KSR2: variants seen among roughly 807,000 people sequenced by gnomAD.
The protein encoded by KSR2 is kinase suppressor of ras 2.
Under a neutral mutation model 107.8 loss-of-function variants are expected in KSR2, and 25 were observed. The ratio of observed to expected loss-of-function variants is 0.23; its 90% CI spans 0.17 to 0.32. The LOEUF is 0.32. KSR2 is among the 10% of genes least tolerant of loss of function. The probability of loss-of-function intolerance (pLI) is 1.00; values close to 1 mark genes in which losing one functional copy is unlikely to be tolerated. For missense variants in KSR2, 887 were observed against 1,268.9 expected, an observed-to-expected ratio of 0.70 and a Z score of 4.57; for synonymous variants, 480 against 507.0, an observed-to-expected ratio of 0.95 and a Z score of 0.71.
At chr12:117,640,233 T>C (rs1305051688) in intron 5 of KSR2, among the ~76,000 whole-genome samples, 1 of 111,688 alleles carries the variant, frequency 9.0e-6, no homozygotes, top group Non-Finnish European at 2.3e-5. Flanking sequence ...AATGAAGCTC[T>C]TTTTTTTTCT....
chr12:117,749,142 C>T (rs1243252387), intron 4 of KSR2, among the ~76,000 whole-genome samples: 3 of 93,952 alleles, frequency 3.2e-5, no homozygotes, highest in Non-Finnish European at 5.9e-5. Context: ...AAAAAGCAAA[C>T]GAACAATACC....
intron 1 of KSR2, among the ~76,000 whole-genome samples, chr12:117,885,414 C>T (rs1894145620): frequency 6.6e-6 from 1 of 152,128 alleles, no homozygotes; most frequent in African/African-American, 2.4e-5. Context: ...TTTACCCACA[C>T]AGCCAGGAAA....
intron 14 of KSR2, among the ~76,000 whole-genome samples, chr12:117,503,305 C>T (rs1234250900): frequency 2.0e-5 from 3 of 152,186 alleles, no homozygotes; most frequent in African/African-American, 7.2e-5. Flanking sequence ...GTACAGACAA[C>T]ACCAGTGTTC....
intron 3 of KSR2, among the ~76,000 whole-genome samples, chr12:117,809,137 G>C (rs1242693864): frequency 1.3e-5 from 2 of 151,984 alleles, no homozygotes; most frequent in Non-Finnish European, 2.9e-5. Context: ...ACCATATTCA[G>C]CTACTGAGAC....
intron 1 of KSR2, among the ~76,000 whole-genome samples, chr12:117,933,417 C>T (rs978750540): frequency 1.3e-5 from 2 of 151,848 alleles, no homozygotes; most frequent in Non-Finnish European, 2.9e-5. Context: ...GGTGAGACTC[C>T]GTCTCTACTG....
intron 3 of KSR2, among the ~76,000 whole-genome samples, chr12:117,834,030 A>G (rs924402857): frequency 2.0e-5 from 3 of 151,680 alleles, no homozygotes; most frequent in Admixed American, 2.0e-4. Flanking sequence ...AGTTCCAACT[A>G]CTCTGGGGGC....
chr12:117,767,279 G>C (rs1889271213), intron 3 of KSR2, among the ~76,000 whole-genome samples: 1 of 139,926 alleles, frequency 7.1e-6, no homozygotes, highest in Non-Finnish European at 1.5e-5. Flanking sequence ...AAAAAAAATA[G>C]CCGGGCGTGG....
chr12:117,661,288 A>C (rs912696838), intron 5 of KSR2, among the ~76,000 whole-genome samples: 8 of 152,224 alleles, frequency 5.3e-5, no homozygotes, highest in Non-Finnish European at 1.2e-4. Context: ...ATTGCTCTAA[A>C]GGATACTATT....
At chr12:117,828,144 C>T (rs1335015033) in intron 3 of KSR2, among the ~76,000 whole-genome samples, 1 of 152,176 alleles carries the variant, frequency 6.6e-6, no homozygotes, top group Non-Finnish European at 1.5e-5. Flanking sequence ...GAGGATGGGA[C>T]AATGTGCTAC....
chr12:117,597,067 A>C (rs1880692007), intron 5 of KSR2, among the ~76,000 whole-genome samples: 1 of 152,098 alleles, frequency 6.6e-6, no homozygotes, highest in Non-Finnish European at 1.5e-5. Flanking sequence ...TCTCCCGTGC[A>C]AGGGCATGGA....
At chr12:117,896,445 G>A (rs903748830) in intron 1 of KSR2, among the ~76,000 whole-genome samples, 1 of 151,442 alleles carries the variant, frequency 6.6e-6, no homozygotes. Flanking sequence ...AATTAGTGGT[G>A]GTTTCGCACA....
chr12:117,660,762 T>C (rs1435402797), intron 5 of KSR2, among the ~76,000 whole-genome samples: 1 of 151,804 alleles, frequency 6.6e-6, no homozygotes, highest in African/African-American at 2.4e-5. Flanking sequence ...ATTTAATAGA[T>C]ACATCTGCAA....
At chr12:117,558,230 G>A (rs565667880) in intron 8 of KSR2, among the ~76,000 whole-genome samples, 1 of 152,234 alleles carries the variant, frequency 6.6e-6, no homozygotes, top group Non-Finnish European at 1.5e-5. Flanking sequence ...AATTAGGAGA[G>A]GAGACAGGAT....
intron 1 of KSR2, among the ~76,000 whole-genome samples, chr12:117,877,219 C>T (rs1292531876): frequency 6.6e-6 from 1 of 152,004 alleles, no homozygotes. Context: ...CGCCTGTAAT[C>T]CCAGCTACTT....
intron 5 of KSR2, among the ~76,000 whole-genome samples, chr12:117,642,183 C>T (rs1394011608): frequency 6.6e-6 from 1 of 152,204 alleles, no homozygotes; most frequent in African/African-American, 2.4e-5. Context: ...TGAACTTCCA[C>T]TTTGCAGCTC....
At chr12:117,671,689 A>C (rs573827392) in intron 4 of KSR2, among the ~76,000 whole-genome samples, 1 of 152,328 alleles carries the variant, frequency 6.6e-6, no homozygotes, top group South Asian at 2.1e-4. Context: ...GAATGAAATG[A>C]AACTTTTCAG....
At chr12:117,783,542 C>T (rs1318884084) in intron 3 of KSR2, among the ~76,000 whole-genome samples, 1 of 152,170 alleles carries the variant, frequency 6.6e-6, no homozygotes, top group African/African-American at 2.4e-5. Flanking sequence ...AGCAAGCCCA[C>T]CAAAGCCTAT....
At chr12:117,822,675 C>T (rs1394132739) in intron 3 of KSR2, among the ~76,000 whole-genome samples, 2 of 152,110 alleles carry the variant, frequency 1.3e-5, no homozygotes, top group Non-Finnish European at 2.9e-5. Context: ...AAAGAAAATA[C>T]ATGAGATATT....
At chr12:117,674,552 G>A (rs1197347733) in intron 4 of KSR2, among the ~76,000 whole-genome samples, 2 of 151,946 alleles carry the variant, frequency 1.3e-5, no homozygotes, top group African/African-American at 2.4e-5. Context: ...CAGCTTTCTC[G>A]CTCTATGGAT....
Sources: gnomAD v4.1 joint callset for allele counts (sites outside exome capture counted in the v4.1 genomes callset) on GRCh38, gnomAD v4.1.1 for gene constraint, MANE v1.5 for transcripts, NCBI Gene and HGNC (gene_info 2026-07-23, HGNC 2026-07-21) for gene names.